The following MOK variants were observed in gnomAD, a reference collection of about 807,000 sequenced individuals.
The protein encoded by MOK is MAPK/MAK/MRK overlapping kinase.
Under a neutral mutation model 54.2 loss-of-function variants are expected in MOK, and 59 were observed. The ratio of observed to expected loss-of-function variants is 1.09; its 90% CI spans 0.88 to 1.35. MOK has a LOEUF of 1.35. Ranked by LOEUF, MOK falls within the 40% of genes most tolerant of loss-of-function variation. The pLI, the probability that MOK is intolerant of heterozygous loss-of-function variation, is 0.00. For synonymous variants in MOK, 210 were observed against 202.7 expected (o/e 1.04, Z -0.31); for missense variants, 517 against 526.2 (o/e 0.98, Z 0.17).
intron 4 of MOK, among the ~76,000 whole-genome samples, chr14:102,256,725 A>T (rs113355246): frequency 2.5e-5 from 2 of 80,140 alleles, no homozygotes; most frequent in South Asian, 3.0e-4. Flanking sequence ...TGAAACAGTT[A>T]AAAAAAAAAA....
intron 2 of MOK, among the ~76,000 whole-genome samples, chr14:102,267,382 A>G (rs1344916582): frequency 6.6e-6 from 1 of 152,136 alleles, no homozygotes; most frequent in Non-Finnish European, 1.5e-5. Flanking sequence ...CCTGGCCAAC[A>G]TGGTGAAACC....
At chr14:102,222,305 C>T (rs560133488), downstream of MOK, among the ~76,000 whole-genome samples, 1 of 152,340 alleles carries the variant, frequency 6.6e-6, no homozygotes, top group Admixed American at 6.5e-5. The surrounding 1 kb of genome is among the most constrained non-coding windows in gnomAD (Gnocchi z 4.4). Context: ...TGGACAGCTA[C>T]AGCCAGGGGG....
downstream of MOK, among the ~76,000 whole-genome samples, chr14:102,221,651 G>A (rs566481925): frequency 6.6e-6 from 1 of 152,338 alleles, no homozygotes; most frequent in East Asian, 1.9e-4. The surrounding 1 kb of genome is among the most constrained non-coding windows in gnomAD (Gnocchi z 4.8). Flanking sequence ...ACAGATTTCA[G>A]GTGGAAGGTA....
rs150548414 is a variant in MOK at position 102,263,737 on chromosome 14, A to G, written c.213-121T>C. ...ATTAGGTACTCCCACATCAAATACT[A>G]CAGTGTAATTGCTGAAACAGTAAAG... On this transcript the variant is annotated intron_variant, in intron 3 of 11. Transcript: ENST00000361847. 2.6e-3 allele frequency: 1,474 copies of G among 562,846 alleles called. 22 individuals are homozygous for G. Among genetic ancestry groups the G allele is most frequent in the African/African-American group, 0.024 (1,278 of 52,206 alleles). 34.9% of individuals were successfully genotyped at this position (562,846 alleles called of 1,614,324 possible).
rs1567242834 is a variant in MOK, at chr14:102,293,719, AAAAAAAAG to A, written c.8-10135_8-10128del. Among the ~76,000 whole-genome samples the A allele has an allele frequency of 4.0e-5, 6 of 150,096 alleles. No homozygotes were observed. The South Asian group carries it at 1.0e-3, about 26-fold the overall frequency. On this transcript the variant is annotated intron_variant, in intron 1 of 11. Transcript: ENST00000361847. ...TCCATCACAAAAAAAAAAAAAAAAA[AAAAAAAAG>A]AAAAGAAAAGAAAAAAAAGAAAAAG...
chr14:102,258,198 C>A (rs1269953448), intron 4 of MOK, among the ~76,000 whole-genome samples: 2 of 152,158 alleles, frequency 1.3e-5, no homozygotes, highest in East Asian at 3.8e-4. Flanking sequence ...GCTTTAAAGC[C>A]CAATAATGGC....
At chr14:102,302,156 C>A (rs2072287114) in intron 1 of MOK, among the ~76,000 whole-genome samples, 1 of 150,874 alleles carries the variant, frequency 6.6e-6, no homozygotes, top group Non-Finnish European at 1.5e-5. Context: ...CACTGCAACG[C>A]CCCCCTCCCA....
At chr14:102,214,971 T>A in the MOK span, 1 of 985,298 alleles carries the variant, frequency 1.0e-6, no homozygotes, top group Non-Finnish European at 1.2e-6. Flanking sequence ...CTCTGTATAC[T>A]GACATTAAAT....
chr14:102,299,167 GA>G (rs112937903), intron 1 of MOK, among the ~76,000 whole-genome samples: 6,504 of 146,424 alleles, frequency 0.044, 149 homozygotes, highest in Middle Eastern at 0.085. Context: ...TTCCATGGCG[GA>G]AAAAAAAAAA....
At chr14:102,274,329 A>T (rs532033590) in intron 2 of MOK, among the ~76,000 whole-genome samples, 3 of 147,678 alleles carry the variant, frequency 2.0e-5, no homozygotes, top group Non-Finnish European at 4.5e-5. Context: ...ATCTTGGCTC[A>T]CTGAAGCCTC....
chr14:102,293,701 C>CAAAAAAAAAA (rs10598736), intron 1 of MOK, among the ~76,000 whole-genome samples: 492 of 54,224 alleles, frequency 9.1e-3, no homozygotes, highest in East Asian at 0.028. Context: ...AACTCCATCA[C>CAAAAAAAAAA]AAAAAAAAAA....
chr14:102,288,416 G>A (rs186583696), intron 1 of MOK, among the ~76,000 whole-genome samples: 1 of 152,170 alleles, frequency 6.6e-6, no homozygotes, highest in Non-Finnish European at 1.5e-5. Context: ...ATTATGCTAA[G>A]TGAAAGAAAT....
At chr14:102,227,141 A>G (rs903664467), downstream of MOK, among the ~76,000 whole-genome samples, 1 of 152,166 alleles carries the variant, frequency 6.6e-6, no homozygotes, top group African/African-American at 2.4e-5. Context: ...CTTTCTCAAA[A>G]AAGCCTGCAG....
the MOK span, among the ~76,000 whole-genome samples, chr14:102,216,381 C>T: frequency 6.6e-6 from 1 of 152,112 alleles, no homozygotes; most frequent in South Asian, 2.1e-4. Context: ...AAGCCTTGAC[C>T]TCCTGGGCTC....
intron 7 of MOK, among the ~76,000 whole-genome samples, chr14:102,237,575 T>C (rs2065336308): frequency 6.6e-6 from 1 of 152,180 alleles, no homozygotes; most frequent in African/African-American, 2.4e-5. Flanking sequence ...AGTGAGCCTC[T>C]AAATCCCTCA....
At chr14:102,301,578 C>T (rs2139352852) in intron 1 of MOK, among the ~76,000 whole-genome samples, 1 of 152,324 alleles carries the variant, frequency 6.6e-6, no homozygotes, top group South Asian at 2.1e-4. Context: ...CACCATTACT[C>T]ACTTTTCCTG....
chr14:102,300,141 T>C lies in MOK; in HGVS notation c.7+4821A>G, dbSNP rs188671012. On this transcript the variant is annotated intron_variant, in intron 1 of 11. Coordinates refer to ENST00000361847, the MANE Select transcript of MOK (RefSeq NM_014226.3). ...GAGTTCGAGACCAGCCTGGCCAGCATGGTGAAACCCGATCTCTACTAAAAA... is the reference window on the plus strand; with the variant it reads ...GAGTTCGAGACCAGCCTGGCCAGCACGGTGAAACCCGATCTCTACTAAAAA... Among the ~76,000 whole-genome samples, 145 of 152,036 alleles carry C rather than the reference T, an allele frequency of 9.5e-4. 2 individuals are homozygous for C. The highest frequency in any genetic ancestry group is 8.8e-5 in the Non-Finnish European group (6 of 67,988).
chr14:102,299,823 A>G (rs149776407), intron 1 of MOK, among the ~76,000 whole-genome samples: 2 of 152,236 alleles, frequency 1.3e-5, no homozygotes, highest in African/African-American at 4.8e-5. Context: ...GATTTAAGCA[A>G]TCTCTTGCCT....
At chr14:102,297,569 G>A (rs1219754127) in intron 1 of MOK, among the ~76,000 whole-genome samples, 2 of 152,224 alleles carry the variant, frequency 1.3e-5, no homozygotes, top group East Asian at 1.9e-4. Flanking sequence ...CACGCTTGAG[G>A]AGCCCTTCAG....
Sources: allele counts gnomAD v4.1 joint callset (sites outside exome capture counted in the v4.1 genomes callset), GRCh38; gene constraint gnomAD v4.1.1; non-coding constraint Gnocchi (gnomAD v3.1); transcripts MANE v1.5; gene names NCBI Gene and HGNC (gene_info 2026-07-23, HGNC 2026-07-21).